PTPRN: variants seen among roughly 807,000 people sequenced by gnomAD.
PTPRN encodes the protein receptor-type tyrosine-protein phosphatase-like N.
In PTPRN, 70 loss-of-function variants were observed where a neutral mutation model predicts 108.5. The ratio of observed to expected loss-of-function variants is 0.65; its 90% confidence interval spans 0.53 to 0.79. PTPRN has a LOEUF of 0.79. PTPRN is among the 30% of genes least tolerant of loss of function. The pLI, the probability that PTPRN is intolerant of heterozygous loss-of-function variation, is 0.00. For synonymous variants in PTPRN, 496 were observed against 524.6 expected (o/e 0.95, Z 0.75); for missense variants, 1,136 against 1,295.5 (o/e 0.88, Z 1.89).
intron 4 of PTPRN, 65 bp from the exon 5 acceptor site, chr2:219,302,902 G>C: frequency 6.5e-7 from 1 of 1,534,394 alleles, no homozygotes; most frequent in Middle Eastern, 2.2e-4. Flanking sequence ...CTGCAAGGCA[G>C]AACTATTCGG....
In PTPRN at chr2:219,302,644, G is replaced by A. The variant is rs967793302; in HGVS notation, c.571C>T (p.Pro191Ser). 6.2e-7 allele frequency: 1 copy of A among 1,613,808 alleles called. No individual in the cohort carries two copies. The highest frequency in any genetic ancestry group is 8.5e-7 in the Non-Finnish European group (1 of 1,179,916). The stretch of plus-strand genomic sequence containing the variant: ...AGTGAAGGGTGGGGAGGCTGTGGGG[G>A]CAGCAGCAGGTGCTCCAAGAGAGGC... Reference protein sequence around the residue: ...LPPLLEHLLLPPQPPHPSLSY... With the variant: ...LPPLLEHLLLSPQPPHPSLSY... Residue 191 changes from proline to serine, a missense_variant, in exon 5 of 23, where the codon CCC (proline) becomes TCC (serine). Pro to Ser is a moderately conservative substitution (Grantham distance 74). Coordinates refer to ENST00000295718, the MANE Select transcript of PTPRN (RefSeq NM_002846.4).
rs759978181 is a variant in PTPRN, at chr2:219,301,685, C to T, written c.1029G>A (p.Ala343=). Residue 343 remains alanine, a synonymous_variant, in exon 7 of 23, where the codon GCG becomes GCA. Transcript: ENST00000295718. ...AALQRLAAVL[A]GYGVELRQLT... is the part of the protein sequence containing the mutation. ...GCTGACGCAGCTCTACCCCATAGCC[C>T]GCCAGCACAGCGGCCAGCCTCTGCA... 44 of 1,612,822 alleles carry T rather than the reference C, an allele frequency of 2.7e-5. No individual in the cohort carries two copies. The highest frequency in any genetic ancestry group is 1.1e-4 in the East Asian group (5 of 44,872).
chr2:219,307,696 G>A, intron 2 of PTPRN, 96 bp downstream of exon 2: 1 of 1,511,434 alleles, frequency 6.6e-7, no homozygotes, highest in East Asian at 2.3e-5. Context: ...CTCAAGCCCA[G>A]TAGCCCTCTT....
chr2:219,308,870 G>T (rs574924123), intron 1 of PTPRN: 14 of 1,333,294 alleles, frequency 1.1e-5, no homozygotes, highest in Admixed American at 4.5e-5. Flanking sequence ...ATTCCTCAGC[G>T]CCTGTCACCA....
At position 219,290,460 on chromosome 2, in the gene PTPRN, C is replaced by T; in HGVS notation, c.2868+78G>A. On this transcript the variant is annotated intron_variant, in intron 22 of 22. Coordinates refer to ENST00000295718, the MANE Select transcript of PTPRN (RefSeq NM_002846.4). This position sits in a 1 kb window ranked among gnomAD's most constrained non-coding sequence, Gnocchi z 4.2. ...AGCAGGTGGGAAAGGTTGGCAGCTG[C>T]TGCTTTCCCTGGGGTGGCCAAGAAG... 6.9e-7 allele frequency: 1 copy of T among 1,453,396 alleles called. No individual in the cohort carries two copies. The highest frequency in any genetic ancestry group is 9.4e-7 in the Non-Finnish European group (1 of 1,060,402). 90.0% of individuals were successfully genotyped at this position (1,453,396 alleles called of 1,614,324 possible).
At chr2:219,308,769 C>G in intron 1 of PTPRN, 1 of 1,188,080 alleles carries the variant, frequency 8.4e-7, no homozygotes, top group Non-Finnish European at 1.1e-6. Flanking sequence ...TGGCCTCTCT[C>G]TCTGCCCAGC....
intron 18 of PTPRN, 89 bp from the exon 19 acceptor site, chr2:219,295,230 C>A: frequency 6.9e-7 from 1 of 1,442,538 alleles, no homozygotes; most frequent in Non-Finnish European, 9.5e-7. Flanking sequence ...TCGGTCTCTC[C>A]AACCACCGCC....
chr2:219,307,373 A>C, intron 3 of PTPRN, 71 bp downstream of exon 3: 7 of 1,297,834 alleles, frequency 5.4e-6, no homozygotes, highest in Non-Finnish European at 7.7e-6. Context: ...TATTCCTTGA[A>C]GAGAAATCTT....
At chr2:219,299,919 C>T (rs937329094) in intron 9 of PTPRN, 66 bp downstream of exon 9, 40 of 1,596,690 alleles carry the variant, frequency 2.5e-5, no homozygotes, top group Middle Eastern at 1.7e-4. Context: ...CTGCCCTCTG[C>T]TTCTGGCCAG....
chr2:219,295,070 C>T lies in PTPRN; in HGVS notation c.2580G>A (p.Gln860=). Reference sequence around the variant, plus strand: ...GCGTGAGCGTGCGCGTCTCCTGGGTCTGCACGTTCTTCAGGTAGAAGCTCC... The same window carrying T: ...GCGTGAGCGTGCGCGTCTCCTGGGTTTGCACGTTCTTCAGGTAGAAGCTCC... ...LVRSFYLKNV[Q]TQETRTLTQF... Residue 860 remains glutamine (Q), a synonymous_variant, in exon 19 of 23, where the codon CAG becomes CAA. Coordinates refer to ENST00000295718, the MANE Select transcript of PTPRN (RefSeq NM_002846.4). 6.2e-7 allele frequency: 1 copy of T among 1,613,632 alleles called. No individual in the cohort carries two copies. Among genetic ancestry groups the T allele is most frequent in the Non-Finnish European group, 8.5e-7 (1 of 1,179,688 alleles).
At position 219,302,373 on chromosome 2, in the gene PTPRN, A is replaced by G. The variant is rs1952373783; in HGVS notation, c.758T>C (p.Phe253Ser). ...GTAGGAGTGGCCAGGGTGGTCCCCAAATATGCCCTTGGAGGCAGTTCTGCT... is the reference window on the plus strand; with the variant it reads ...GTAGGAGTGGCCAGGGTGGTCCCCAGATATGCCCTTGGAGGCAGTTCTGCT... Reference protein sequence around the residue: ...LFSRTASKGIFGDHPGHSYGD... With the variant: ...LFSRTASKGISGDHPGHSYGD... The change falls in exon 6 of 23, where the codon TTT becomes TCT. Residue 253 changes from phenylalanine to serine, a missense_variant. By Grantham distance (155) the Phe-to-Ser change is radical. Transcript: ENST00000295718. 6.2e-7 allele frequency: 1 copy of G among 1,613,962 alleles called. No homozygotes were observed. The highest frequency in any genetic ancestry group is 1.1e-5 in the South Asian group (1 of 91,066).
At position 219,302,366 on chromosome 2, in the gene PTPRN, G is replaced by A. The variant is rs774260546; in HGVS notation, c.765C>T (p.Asp255=). Reference sequence around the variant, plus strand: ...GGTCCCCGTAGGAGTGGCCAGGGTGGTCCCCAAATATGCCCTTGGAGGCAG... The same window carrying A: ...GGTCCCCGTAGGAGTGGCCAGGGTGATCCCCAAATATGCCCTTGGAGGCAG... ...SRTASKGIFG[D]HPGHSYGDLP... is the part of the protein sequence containing the mutation. The change falls in exon 6 of 23, where the codon GAC becomes GAT. Residue 255 remains aspartate, a synonymous_variant. Coordinates refer to ENST00000295718, the MANE Select transcript of PTPRN (RefSeq NM_002846.4). 2 of 1,613,908 alleles carry A rather than the reference G, an allele frequency of 1.2e-6. No homozygotes were observed. Among genetic ancestry groups the A allele is most frequent in the South Asian group, 2.2e-5 (2 of 91,048 alleles).
rs1460414538 is a variant in PTPRN at position 219,309,250 on chromosome 2, C to T, written c.83G>A (p.Arg28His). The T allele has an allele frequency of 4.6e-6, 7 of 1,537,578 alleles. No homozygotes were observed. In the Admixed American group the frequency reaches 1.4e-4, roughly 30 times the overall value. ...ACTAACGGCGCTGCAGCCCCCCGGG[C>T]GGCTGCTCAGCAGCAGGAGGCAGAG... is the stretch of plus-strand genomic sequence containing the variant. ...LLLCLLLLSS[R>H]PGGCSAVSAH... Residue 28 changes from arginine to histidine, a missense_variant, in exon 1 of 23, where the codon CGC becomes CAC. Coordinates refer to ENST00000295718, the MANE Select transcript of PTPRN (RefSeq NM_002846.4).
chr2:219,291,587 C>T (rs1400221187), intron 19 of PTPRN, 64 bp from the exon 20 acceptor site: 5 of 1,493,662 alleles, frequency 3.3e-6, no homozygotes, highest in Non-Finnish European at 4.7e-6. Flanking sequence ...GAAGCTGAAA[C>T]ACATGACGTG....
chr2:219,296,894 C>T lies in PTPRN; in HGVS notation c.2237-72G>A, dbSNP rs1010853721. On this transcript the variant is annotated intron_variant, in intron 15 of 22. Transcript: ENST00000295718. The surrounding 1 kb of genome is among the most constrained non-coding windows in gnomAD (Gnocchi z 6.0). ...CATCGCGGGACCTCTGCCACTCAGC[C>T]TGAGCCAGAAGCCCAACCCCTTACC... 3 of 1,612,850 alleles carry T rather than the reference C, an allele frequency of 1.9e-6. No individual in the cohort carries two copies. The highest frequency in any genetic ancestry group is 2.5e-6 in the Non-Finnish European group (3 of 1,179,148).
chr2:219,307,816 AGCAG>A lies in PTPRN; in HGVS notation c.138_141del (p.Cys47LeufsTer58). On this transcript the variant is annotated frameshift_variant, in exon 2 of 23. Coordinates refer to ENST00000295718, the MANE Select transcript of PTPRN (RefSeq NM_002846.4). LOFTEE classifies it high-confidence loss of function. ...CCCTGAATACAGACTTCCAGGTGAG[AGCAG>A]AGCCTGCGGTCAAATAGACAGCCTG... 1 of 1,614,142 alleles carries A rather than the reference AGCAG, an allele frequency of 6.2e-7. No individual in the cohort carries two copies. Among genetic ancestry groups the A allele is most frequent in the Non-Finnish European group, 8.5e-7 (1 of 1,180,020 alleles).
At position 219,300,002 on chromosome 2, in the gene PTPRN, G is replaced by A. The variant is rs17847401; in HGVS notation, c.1419C>T (p.Tyr473=). ...SARPAAEEYG[Y]IVTDQKPLSL... is the part of the protein sequence containing the mutation. Reference sequence around the variant, plus strand: ...GCCCTTACTTCTGATCAGTGACGATGTAGCCATATTCCTCTGCTGCTGGGC... The same window carrying A: ...GCCCTTACTTCTGATCAGTGACGATATAGCCATATTCCTCTGCTGCTGGGC... The change falls in exon 9 of 23, where the codon TAC becomes TAT. Residue 473 remains tyrosine, a synonymous_variant. Transcript: ENST00000295718. The A allele has an allele frequency of 1.2e-3, 2,007 of 1,614,130 alleles. 63 individuals carry two copies. The East Asian group carries it at 0.039, about 31-fold the overall frequency.
In PTPRN at chr2:219,296,318, T is replaced by C; in HGVS notation, c.2416A>G (p.Ile806Val). The change falls in exon 18 of 23, where the codon ATC (isoleucine) becomes GTC (valine). Residue 806 changes from isoleucine (I) to valine (V), a missense_variant. Coordinates refer to ENST00000295718, the MANE Select transcript of PTPRN (RefSeq NM_002846.4). This position sits in a 1 kb window ranked among gnomAD's most constrained non-coding sequence, Gnocchi z 6.0. ...QMVWESGCTV[I>V]VMLTPLVEDG... ...TCCACCAGCGGGGTCAGCATGACGA[T>C]GACGGTGCAGCCGCTCTCCCACACC... The C allele has an allele frequency of 6.2e-7, 1 of 1,614,116 alleles. No individual in the cohort carries two copies.
chr2:219,297,785 G>A lies in PTPRN; in HGVS notation c.1887+100C>T, dbSNP rs1952237722. ...TCCACTGGACCTTCCCAGGGATGAG[G>A]GCTCACTCCCCATTCAGTTCCGACC... On this transcript the variant is annotated intron_variant, in intron 13 of 22. Coordinates refer to ENST00000295718, the MANE Select transcript of PTPRN (RefSeq NM_002846.4). The surrounding 1 kb of genome is among the most constrained non-coding windows in gnomAD (Gnocchi z 6.0). 1 of 1,361,358 alleles carries A rather than the reference G, an allele frequency of 7.3e-7. No homozygotes were observed. The highest frequency in any genetic ancestry group is 1.0e-6 in the Non-Finnish European group (1 of 997,632). The allele number at this position is 1,361,358 out of a possible 1,614,324, so 84.3% of individuals were successfully genotyped here.
Sources: gnomAD v4.1 joint callset for allele counts on GRCh38, gnomAD v4.1.1 for gene constraint, Gnocchi (gnomAD v3.1) non-coding constraint, MANE v1.5 for transcripts, NCBI Gene and HGNC (gene_info 2026-07-23, HGNC 2026-07-21) for gene names.